The following ADAM32 variants were observed in gnomAD, a reference collection of about 807,000 sequenced individuals.
ADAM32 encodes ADAM metallopeptidase domain 32, also known as disintegrin and metalloproteinase domain-containing protein 32.
In ADAM32, 89 loss-of-function variants were observed where a neutral mutation model predicts 114.9. The ratio of observed to expected loss-of-function variants is 0.77; its 90% CI spans 0.65 to 0.92. The LOEUF (loss-of-function observed/expected upper bound fraction) is 0.92. ADAM32 is among the 40% of genes least tolerant of loss of function. The pLI, the probability that ADAM32 is intolerant of heterozygous loss-of-function variation, is 0.00. For synonymous variants in ADAM32, 285 were observed against 307.5 expected (o/e 0.93, Z 0.77); for missense variants, 870 against 932.8 (o/e 0.93, Z 0.88).
intron 11 of ADAM32, among the ~76,000 whole-genome samples, chr8:39,207,444 C>T (rs556753011): frequency 1.3e-4 from 20 of 152,100 alleles, no homozygotes; most frequent in African/African-American, 3.6e-4. Flanking sequence ...AAAATTTTTA[C>T]GTGTATATGG....
chr8:39,251,740 T>C (rs1811321809), intron 17 of ADAM32, among the ~76,000 whole-genome samples: 1 of 151,918 alleles, frequency 6.6e-6, no homozygotes, highest in Non-Finnish European at 1.5e-5. Flanking sequence ...CATTTGTTTA[T>C]TTTTGCTTAT....
intron 3 of ADAM32, among the ~76,000 whole-genome samples, chr8:39,140,357 A>T (rs916934232): frequency 1.3e-5 from 2 of 152,156 alleles, no homozygotes; most frequent in Non-Finnish European, 2.9e-5. Flanking sequence ...GAGAGTTTTT[A>T]GCATGAAGGG....
chr8:39,175,290 T>C (rs372172814), intron 10 of ADAM32, among the ~76,000 whole-genome samples: 4 of 152,366 alleles, frequency 2.6e-5, no homozygotes, highest in African/African-American at 9.6e-5. Flanking sequence ...TTCCAGCTTT[T>C]GCCCATTCAG....
intron 19 of ADAM32, among the ~76,000 whole-genome samples, chr8:39,258,711 AT>A (rs1370056675): frequency 6.6e-6 from 1 of 152,118 alleles, no homozygotes; most frequent in Non-Finnish European, 1.5e-5. Context: ...GTTTCAAATC[AT>A]TTTTATACAT....
chr8:39,262,891 A>G (rs1486296498), intron 19 of ADAM32, among the ~76,000 whole-genome samples: 1 of 151,850 alleles, frequency 6.6e-6, no homozygotes, highest in Non-Finnish European at 1.5e-5. Context: ...AATTTTTAAT[A>G]CAGATGGAGT....
chr8:39,169,711 A>T (rs1805072166), intron 9 of ADAM32: 3 of 416,822 alleles, frequency 7.2e-6, no homozygotes, highest in African/African-American at 6.0e-5. Flanking sequence ...TGTTTCAGAT[A>T]TCAAGAGTGT....
intron 16 of ADAM32, among the ~76,000 whole-genome samples, chr8:39,238,197 C>G (rs1810314831): frequency 2.0e-5 from 3 of 152,322 alleles, no homozygotes; most frequent in Middle Eastern, 3.4e-3. Flanking sequence ...CTACTTCCAC[C>G]AGAGCAGGTG....
intron 10 of ADAM32, among the ~76,000 whole-genome samples, chr8:39,186,537 C>T (rs1299870633): frequency 6.6e-6 from 1 of 152,048 alleles, no homozygotes; most frequent in African/African-American, 2.4e-5. Context: ...GGAGATTATA[C>T]GGATTATCCA....
chr8:39,117,636 T>A (rs894544688), intron 1 of ADAM32, among the ~76,000 whole-genome samples: 13 of 152,086 alleles, frequency 8.5e-5, no homozygotes, highest in African/African-American at 3.1e-4. Context: ...TCTCCCCTTA[T>A]ACATAACATG....
intron 9 of ADAM32, 169 bp downstream of exon 9, chr8:39,165,365 T>A (rs10110383): frequency 0.27 from 140,662 of 522,630 alleles, 19,712 homozygotes; most frequent in Non-Finnish European, 0.29. Context: ...AATAAAAAAC[T>A]TTACTAACAT....
At chr8:39,178,825 A>G (rs1032410004) in intron 10 of ADAM32, among the ~76,000 whole-genome samples, 14 of 152,132 alleles carry the variant, frequency 9.2e-5, no homozygotes, top group Non-Finnish European at 1.9e-4. Context: ...TCCAGACCCT[A>G]GTTGCCTCAG....
chr8:39,184,178 T>C (rs897870787), intron 10 of ADAM32, among the ~76,000 whole-genome samples: 1 of 152,212 alleles, frequency 6.6e-6, no homozygotes. Context: ...AGTTAAATGA[T>C]TATGTGACAT....
chr8:39,267,023 C>T (rs1812409057), intron 19 of ADAM32, among the ~76,000 whole-genome samples: 1 of 152,242 alleles, frequency 6.6e-6, no homozygotes, highest in African/African-American at 2.4e-5. Flanking sequence ...CCCTGTTGCA[C>T]TGGAGAGGCC....
intron 17 of ADAM32, among the ~76,000 whole-genome samples, chr8:39,253,186 GA>G (rs1453350566): frequency 1.3e-5 from 2 of 151,562 alleles, no homozygotes; most frequent in Admixed American, 6.6e-5. Flanking sequence ...TTAAGAAGAT[GA>G]AAGATCAATT....
At chr8:39,111,455 G>A (rs1334955555) in intron 1 of ADAM32, among the ~76,000 whole-genome samples, 1 of 152,102 alleles carries the variant, frequency 6.6e-6, no homozygotes, top group Admixed American at 6.5e-5. Flanking sequence ...TTGGGAAGAG[G>A]CTGGGAATGG....
At chr8:39,244,398 A>C (rs1217402536) in intron 16 of ADAM32, among the ~76,000 whole-genome samples, 1 of 152,252 alleles carries the variant, frequency 6.6e-6, no homozygotes, top group Non-Finnish European at 1.5e-5. Flanking sequence ...ACTTCAAACT[A>C]TGCTACCAGG....
At chr8:39,275,261 C>G (rs1268047252) in intron 21 of ADAM32, among the ~76,000 whole-genome samples, 2 of 152,190 alleles carry the variant, frequency 1.3e-5, no homozygotes, top group African/African-American at 2.4e-5. Flanking sequence ...TTGTGTACCC[C>G]CAAAGTCATT....
chr8:39,132,865 GT>G lies in ADAM32; in HGVS notation c.139-3785del, dbSNP rs959962621. Among the ~76,000 whole-genome samples, 65 of 151,620 alleles carry G rather than the reference GT, an allele frequency of 4.3e-4. 1 individual carries two copies. The highest frequency in any genetic ancestry group is 1.2e-3 in the African/African-American group (49 of 41,318). ...AATGCAGCTTCCTTGTATGTGATGA[GT>G]TTTTTTCTTGATATTTTCAAGATTT... is the stretch of plus-strand genomic sequence containing the variant. On this transcript the variant is annotated intron_variant, in intron 2 of 24. Transcript: ENST00000379907.
chr8:39,242,573 A>G (rs1330291603), intron 16 of ADAM32, among the ~76,000 whole-genome samples: 3 of 152,166 alleles, frequency 2.0e-5, no homozygotes, highest in Non-Finnish European at 1.5e-5. Flanking sequence ...AAACCATCAG[A>G]TCTCATGAGA....
Sources: gnomAD v4.1 joint callset for allele counts (sites outside exome capture counted in the v4.1 genomes callset) on GRCh38, gnomAD v4.1.1 for gene constraint, MANE v1.5 for transcripts, NCBI Gene and HGNC (gene_info 2026-07-23, HGNC 2026-07-21) for gene names.